TRPM3: variants seen among roughly 807,000 people sequenced by gnomAD.
TRPM3 encodes the protein transient receptor potential cation channel subfamily M member 3.
In TRPM3, 77 loss-of-function variants were observed where a neutral mutation model predicts 181.2. The observed-to-expected ratio is 0.42, with a 90% CI of 0.35 to 0.51. TRPM3 has a LOEUF of 0.51. TRPM3 is among the 20% of genes least tolerant of loss of function. The pLI, the probability that TRPM3 is intolerant of heterozygous loss-of-function variation, is 0.01. For synonymous variants in TRPM3, 745 were observed against 796.4 expected (o/e 0.94, Z 1.09); for missense variants, 1,759 against 2,196.7 (o/e 0.80, Z 3.98).
At chr9:70,918,306 T>C (rs1315220606) in intron 1 of TRPM3, among the ~76,000 whole-genome samples, 1 of 152,178 alleles carries the variant, frequency 6.6e-6, no homozygotes, top group Non-Finnish European at 1.5e-5. Flanking sequence ...CTTCATCCAA[T>C]GGATGTAGAA....
chr9:70,881,887 A>G lies in TRPM3; in HGVS notation c.178-17376T>C, dbSNP rs60941310. On this transcript the variant is annotated intron_variant, in intron 1 of 25. Transcript: ENST00000677713. Reference sequence around the variant, plus strand: ...GTCACATTTTAACTACATTGAGGGTAGGGACTGTGTCTCCTCTGATTGCTA... The same window carrying G: ...GTCACATTTTAACTACATTGAGGGTGGGGACTGTGTCTCCTCTGATTGCTA... Among the ~76,000 whole-genome samples, 1,055 of 152,298 alleles carry G rather than the reference A, an allele frequency of 6.9e-3. 14 individuals carry two copies. Among genetic ancestry groups the G allele is most frequent in the African/African-American group, 0.024 (1,012 of 41,566 alleles).
chr9:70,685,215 C>T (rs539410410), intron 8 of TRPM3, among the ~76,000 whole-genome samples: 15 of 152,166 alleles, frequency 9.9e-5, no homozygotes, highest in Middle Eastern at 3.4e-3. Flanking sequence ...TTTATGTCAA[C>T]GTATCAAATC....
chr9:70,964,442 T>G (rs1411079629), intron 1 of TRPM3, among the ~76,000 whole-genome samples: 1 of 152,126 alleles, frequency 6.6e-6, no homozygotes, highest in Non-Finnish European at 1.5e-5. Flanking sequence ...AATCTCAGTA[T>G]CATTGCTGTT....
chr9:70,804,227 G>A (rs2090084364), intron 6 of TRPM3, among the ~76,000 whole-genome samples: 1 of 152,148 alleles, frequency 6.6e-6, no homozygotes, highest in Non-Finnish European at 1.5e-5. Flanking sequence ...CTACTTGGGA[G>A]GCTGAGGCAG....
At chr9:71,320,680 C>T (rs1194263153) in intron 1 of TRPM3, among the ~76,000 whole-genome samples, 2 of 152,076 alleles carry the variant, frequency 1.3e-5, no homozygotes, top group Non-Finnish European at 2.9e-5. Flanking sequence ...TCATTCAGTC[C>T]CAATGCCTTT....
intron 1 of TRPM3, among the ~76,000 whole-genome samples, chr9:71,045,322 T>C (rs552943274): frequency 6.6e-6 from 1 of 152,252 alleles, no homozygotes; most frequent in Admixed American, 6.5e-5. Flanking sequence ...GTTGTCCCCA[T>C]CTGAATATTA....
intron 1 of TRPM3, among the ~76,000 whole-genome samples, chr9:71,095,775 A>G (rs1486581062): frequency 5.6e-4 from 84 of 150,982 alleles, no homozygotes; most frequent in Admixed American, 7.3e-4. Context: ...AAAAAAAAAA[A>G]AAAGAAAGAA....
chr9:70,745,308 A>C (rs769175979), intron 8 of TRPM3, among the ~76,000 whole-genome samples: 1 of 152,290 alleles, frequency 6.6e-6, no homozygotes, highest in African/African-American at 2.4e-5. Context: ...TTGACTATAA[A>C]GACTGCATCA....
intron 1 of TRPM3, among the ~76,000 whole-genome samples, chr9:70,958,884 C>A (rs532602974): frequency 2.6e-5 from 4 of 151,630 alleles, no homozygotes; most frequent in African/African-American, 9.7e-5. Context: ...GGAAATCATT[C>A]TCAGTAAACT....
At chr9:70,578,288 C>G (rs1263396182) in intron 22 of TRPM3, among the ~76,000 whole-genome samples, 1 of 99,676 alleles carries the variant, frequency 1.0e-5, no homozygotes, top group African/African-American at 4.1e-5. Context: ...CGTCATGGTG[C>G]TTTTGTATCC....
At chr9:71,130,835 T>C (rs1045930990) in intron 1 of TRPM3, among the ~76,000 whole-genome samples, 1 of 152,196 alleles carries the variant, frequency 6.6e-6, no homozygotes, top group African/African-American at 2.4e-5. Context: ...TAGTGCCTGA[T>C]ACTATCCCAA....
At chr9:70,825,933 G>A (rs2093528991) in intron 6 of TRPM3, 1 of 152,206 alleles carries the variant, frequency 6.6e-6, no homozygotes. Context: ...CCCCTTTGCT[G>A]GGTGTGTAAC....
At chr9:71,120,882 G>A (rs1474963479) in intron 1 of TRPM3, among the ~76,000 whole-genome samples, 1 of 151,904 alleles carries the variant, frequency 6.6e-6, no homozygotes, top group African/African-American at 2.4e-5. Context: ...AATTAATTCT[G>A]TTTTAGGAAT....
intron 1 of TRPM3, among the ~76,000 whole-genome samples, chr9:70,877,129 G>A (rs1012188306): frequency 6.6e-5 from 10 of 152,010 alleles, no homozygotes; most frequent in African/African-American, 2.4e-4. Context: ...ATTAGCTCAT[G>A]GCATTTCATC....
intron 1 of TRPM3, among the ~76,000 whole-genome samples, chr9:71,151,925 A>G (rs948186685): frequency 6.6e-6 from 1 of 152,118 alleles, no homozygotes; most frequent in Admixed American, 6.5e-5. Flanking sequence ...TACTTCAACT[A>G]TCTGCCATCA....
At chr9:70,998,228 T>TACACAC (rs34038564) in intron 1 of TRPM3, among the ~76,000 whole-genome samples, 19 of 143,386 alleles carry the variant, frequency 1.3e-4, no homozygotes, top group Middle Eastern at 3.3e-3. Flanking sequence ...TATATACATA[T>TACACAC]ACACACACAC....
chr9:70,948,315 G>T (rs769943657), intron 1 of TRPM3, among the ~76,000 whole-genome samples: 2 of 150,772 alleles, frequency 1.3e-5, no homozygotes, highest in African/African-American at 2.5e-5. Context: ...GGAAAAGTTG[G>T]GTGGGGAGGT....
intron 22 of TRPM3, among the ~76,000 whole-genome samples, chr9:70,570,020 A>G (rs2051770632): frequency 6.6e-6 from 1 of 152,150 alleles, no homozygotes; most frequent in Non-Finnish European, 1.5e-5. Flanking sequence ...TGATATTTAA[A>G]GCAATTAATT....
intron 1 of TRPM3, among the ~76,000 whole-genome samples, chr9:70,877,995 T>A (rs1454163653): frequency 6.6e-6 from 1 of 152,050 alleles, no homozygotes; most frequent in Non-Finnish European, 1.5e-5. Flanking sequence ...TCTCTTTACT[T>A]TTTTGAATGC....
Sources: gnomAD v4.1 joint callset for allele counts (sites outside exome capture counted in the v4.1 genomes callset) on GRCh38, gnomAD v4.1.1 for gene constraint, MANE v1.5 for transcripts, NCBI Gene and HGNC (gene_info 2026-07-23, HGNC 2026-07-21) for gene names.